MYCBP2: variants seen among roughly 807,000 people sequenced by gnomAD.
MYCBP2 encodes the protein E3 ubiquitin-protein ligase MYCBP2.
MYCBP2 carries 120 observed loss-of-function variants against 525.3 expected under a neutral mutation model. That is an observed-to-expected ratio of 0.23 (90% CI 0.20 to 0.27). The LOEUF is 0.27. MYCBP2 is among the 10% of genes least tolerant of loss of function. MYCBP2 has a pLI of 1.00. For missense variants in MYCBP2, 4,149 were observed against 5,657.1 expected (o/e 0.73, Z 8.55); for synonymous variants, 1,894 against 1,955.8 (o/e 0.97, Z 0.83).
intron 26 of MYCBP2, among the ~76,000 whole-genome samples, chr13:77,199,643 T>A (rs548055455): frequency 6.6e-6 from 1 of 152,298 alleles, no homozygotes; most frequent in South Asian, 2.1e-4. Context: ...AATGTCCCTG[T>A]CTGACAGCTT....
chr13:77,218,082 A>G, intron 20 of MYCBP2, 125 bp from the exon 21 acceptor site: 1 of 559,624 alleles, frequency 1.8e-6, no homozygotes, highest in South Asian at 3.0e-5. Flanking sequence ...TTCAGTAAAC[A>G]TTTAAGTGCT....
At chr13:77,094,586 GTA>G (rs1255894217) in intron 58 of MYCBP2, among the ~76,000 whole-genome samples, 1 of 152,130 alleles carries the variant, frequency 6.6e-6, no homozygotes, top group Non-Finnish European at 1.5e-5. Context: ...ATTTCCTCCA[GTA>G]GCCAGTCCTT....
intron 52 of MYCBP2, among the ~76,000 whole-genome samples, chr13:77,136,744 T>C (rs992182004): frequency 6.6e-6 from 1 of 152,220 alleles, no homozygotes; most frequent in Non-Finnish European, 1.5e-5. Flanking sequence ...TCCTATCTTC[T>C]ATTTTAAGGG....
chr13:77,127,400 A>G (rs1361350047), intron 52 of MYCBP2, among the ~76,000 whole-genome samples: 1 of 151,942 alleles, frequency 6.6e-6, no homozygotes, highest in Non-Finnish European at 1.5e-5. Context: ...AGAAATAATA[A>G]CCTTTCCATA....
chr13:77,246,427 C>A (rs558511006), intron 15 of MYCBP2, among the ~76,000 whole-genome samples: 1 of 150,358 alleles, frequency 6.7e-6, no homozygotes, highest in South Asian at 2.1e-4. Flanking sequence ...CAGGATTACC[C>A]CAATACCAAT....
chr13:77,132,459 T>C (rs9574005), intron 52 of MYCBP2, among the ~76,000 whole-genome samples: 147,733 of 152,226 alleles, frequency 0.97, 71,756 homozygotes, highest in East Asian at 1. Context: ...TCTTTCAGGT[T>C]CCAAAATTTG....
chr13:77,114,089 C>T (rs1391499466), intron 55 of MYCBP2, among the ~76,000 whole-genome samples: 1 of 152,078 alleles, frequency 6.6e-6, no homozygotes, highest in Admixed American at 6.6e-5. Flanking sequence ...GCCTTACAAA[C>T]AAACCTGGCT....
At chr13:77,280,940 C>T (rs893707933) in intron 3 of MYCBP2, among the ~76,000 whole-genome samples, 1 of 152,170 alleles carries the variant, frequency 6.6e-6, no homozygotes, top group African/African-American at 2.4e-5. Flanking sequence ...ATATTCAATA[C>T]ACAACAAAAA....
At chr13:77,046,001 T>A (rs908069951) in intron 82 of MYCBP2, among the ~76,000 whole-genome samples, 3 of 152,176 alleles carry the variant, frequency 2.0e-5, no homozygotes, top group Admixed American at 1.3e-4. Flanking sequence ...AGGCCAATGA[T>A]TCCTGTAATT....
At chr13:77,284,623 A>C (rs559151150) in intron 3 of MYCBP2, among the ~76,000 whole-genome samples, 1 of 152,280 alleles carries the variant, frequency 6.6e-6, no homozygotes, top group South Asian at 2.1e-4. Context: ...ATTCTCTAGA[A>C]GTTTCATTTG....
chr13:77,296,876 G>A (rs1567190647), intron 1 of MYCBP2, among the ~76,000 whole-genome samples: 1 of 152,036 alleles, frequency 6.6e-6, no homozygotes, highest in East Asian at 1.9e-4. Context: ...GGGCAGCTAA[G>A]CAATATACAA....
Position 77,177,868 on chromosome 13 carries a change from C to T in MYCBP2, c.5220G>A (p.Gly1740=). 1 of 1,613,658 alleles carries T rather than the reference C, an allele frequency of 6.2e-7. No homozygotes were observed. The highest frequency in any genetic ancestry group is 8.5e-7 in the Non-Finnish European group (1 of 1,179,550). The change falls in exon 35 of 83, where the codon GGG becomes GGA. Residue 1740 remains glycine (G), a synonymous_variant. Coordinates refer to ENST00000544440, the MANE Select transcript of MYCBP2 (RefSeq NM_015057.5). ...AACAGATTGCATCAGGGGACCCGTTCCCAGTGTTCCAACTTCTGCCCTGAC... is the reference window on the plus strand; with the variant it reads ...AACAGATTGCATCAGGGGACCCGTTTCCAGTGTTCCAACTTCTGCCCTGAC... ...KTSQGRSWNT[G]NGSPDAICFS...
At chr13:77,257,869 G>A in intron 13 of MYCBP2, 40 bp from the exon 14 acceptor site, 3 of 1,523,684 alleles carry the variant, frequency 2.0e-6, no homozygotes, top group East Asian at 2.3e-5. Context: ...CAACAAAAAG[G>A]CCCTTCTGAG....
intron 69 of MYCBP2, 52 bp downstream of exon 69, chr13:77,070,573 AACACAC>A (rs60371737): frequency 1.5e-5 from 16 of 1,079,442 alleles, no homozygotes; most frequent in African/African-American, 3.2e-5. Flanking sequence ...CAAACAAACA[AACACAC>A]ACACACACAC....
chr13:77,058,749 G>A lies in MYCBP2; in HGVS notation c.13141-343C>T, dbSNP rs2038676745. On this transcript the variant is annotated intron_variant, in intron 77 of 82. Coordinates refer to ENST00000544440, the MANE Select transcript of MYCBP2 (RefSeq NM_015057.5). This position sits in a 1 kb window ranked among gnomAD's most constrained non-coding sequence, Gnocchi z 4.1. ...CACCTGTAATCCCAGCACTTTGGGAGGCTGAGGTGGGCAGATCACGAGATC... is the reference window on the plus strand; with the variant it reads ...CACCTGTAATCCCAGCACTTTGGGAAGCTGAGGTGGGCAGATCACGAGATC... Among the ~76,000 whole-genome samples the A allele has an allele frequency of 1.3e-5, 2 of 152,134 alleles. No homozygotes were observed. Among genetic ancestry groups the A allele is most frequent in the African/African-American group, 4.8e-5 (2 of 41,420 alleles).
Position 77,146,174 on chromosome 13 carries a change from G to A in MYCBP2, c.7175C>T (p.Pro2392Leu). The A allele has an allele frequency of 1.3e-6, 2 of 1,590,876 alleles. No individual in the cohort carries two copies. Among genetic ancestry groups the A allele is most frequent in the Non-Finnish European group, 1.7e-6 (2 of 1,169,408 alleles). ...YSFEELRFAS[P>L]TPKRPSENML... ...AAACGATCCTTACCTCTTAGGAGTT[G>A]GTGATGCAAAACGTAGTTCTTCAAA... Residue 2392 changes from proline to leucine, a missense_variant, in exon 48 of 83, where the codon CCA becomes CTA. Coordinates refer to ENST00000544440, the MANE Select transcript of MYCBP2 (RefSeq NM_015057.5).
intron 82 of MYCBP2, among the ~76,000 whole-genome samples, chr13:77,050,010 C>CTT (rs1034003775): frequency 6.7e-6 from 1 of 149,636 alleles, no homozygotes; most frequent in African/African-American, 2.5e-5. Flanking sequence ...CATCCTCACT[C>CTT]TTTTTTTTTT....
In MYCBP2 at chr13:77,268,776, A is replaced by G. The variant is rs139745277; in HGVS notation, c.1261-839T>C. ...CCTCAGCGACAAGAGCAAAACTACA[A>G]CTCCAAAAAAAAAAAAAAATTTAAT... On this transcript the variant is annotated intron_variant, in intron 7 of 82. Transcript: ENST00000544440. Among the ~76,000 whole-genome samples the G allele has an allele frequency of 6.6e-4, 99 of 149,370 alleles. No homozygotes were observed. The East Asian group carries it at 0.013, about 20-fold the overall frequency.
At chr13:77,059,908 T>C (rs1196793958) in intron 76 of MYCBP2, among the ~76,000 whole-genome samples, 1 of 152,100 alleles carries the variant, frequency 6.6e-6, no homozygotes, top group Non-Finnish European at 1.5e-5. Flanking sequence ...GTTACCAGAC[T>C]GAGCAGCTGT....
Sources: allele counts gnomAD v4.1 joint callset (sites outside exome capture counted in the v4.1 genomes callset), GRCh38; gene constraint gnomAD v4.1.1; non-coding constraint Gnocchi (gnomAD v3.1); transcripts MANE v1.5; gene names NCBI Gene and HGNC (gene_info 2026-07-23, HGNC 2026-07-21).